Variants in DNAH11 observed in about 807,000 individuals in gnomAD.
The protein encoded by DNAH11 is axonemal beta dynein heavy chain 11.
A neutral mutation model predicts 526.0 loss-of-function variants in DNAH11; 442 were observed. That is an observed-to-expected ratio of 0.84 (90% CI 0.78 to 0.91). The LOEUF is 0.91. DNAH11 is among the 40% of genes least tolerant of loss of function. The probability of loss-of-function intolerance (pLI) is 0.00; values close to 1 mark genes in which losing one functional copy is unlikely to be tolerated. For synonymous variants in DNAH11, 2,461 were observed against 1,935.9 expected (o/e 1.27, Z -7.12); for missense variants, 6,989 against 5,448.7 (o/e 1.28, Z -8.90).
At chr7:21,737,126 C>T (rs1296895567) in intron 46 of DNAH11, among the ~76,000 whole-genome samples, 1 of 152,136 alleles carries the variant, frequency 6.6e-6, no homozygotes, top group Non-Finnish European at 1.5e-5. Context: ...TGATTTCAAA[C>T]ATTTGAGCTG....
At chr7:21,896,090 C>A (rs1784506046) in intron 79 of DNAH11, among the ~76,000 whole-genome samples, 1 of 152,210 alleles carries the variant, frequency 6.6e-6, no homozygotes, top group Non-Finnish European at 1.5e-5. Context: ...ACATCAACCT[C>A]CTTCTGGTCT....
At chr7:21,759,356 G>A (rs1367029772) in intron 54 of DNAH11, among the ~76,000 whole-genome samples, 1 of 152,166 alleles carries the variant, frequency 6.6e-6, no homozygotes, top group Non-Finnish European at 1.5e-5. Context: ...CTATCTAAAA[G>A]GGAAATAAAT....
chr7:21,722,825 T>G (rs1021737250), intron 44 of DNAH11, among the ~76,000 whole-genome samples: 1 of 150,270 alleles, frequency 6.7e-6, no homozygotes, highest in African/African-American at 2.5e-5. Flanking sequence ...GGTATTTCTT[T>G]CAATATTTAC....
chr7:21,604,256 A>G (rs1280761557), intron 18 of DNAH11, among the ~76,000 whole-genome samples: 1 of 152,136 alleles, frequency 6.6e-6, no homozygotes, highest in Non-Finnish European at 1.5e-5. Flanking sequence ...GTCCTGTTGG[A>G]GCATCTCTTC....
chr7:21,624,140 A>G (rs1358098824), intron 25 of DNAH11, among the ~76,000 whole-genome samples: 1 of 152,150 alleles, frequency 6.6e-6, no homozygotes, highest in Non-Finnish European at 1.5e-5. Flanking sequence ...AATAACAGGT[A>G]GTACAATAGC....
chr7:21,784,935 G>A (rs1788109317), intron 58 of DNAH11, among the ~76,000 whole-genome samples: 3 of 152,158 alleles, frequency 2.0e-5, no homozygotes, highest in Admixed American at 6.5e-5. Flanking sequence ...GCATTGATGA[G>A]AGACCCTCAT....
chr7:21,895,895 A>C (rs1784497871), intron 79 of DNAH11, among the ~76,000 whole-genome samples: 1 of 151,954 alleles, frequency 6.6e-6, no homozygotes, highest in Admixed American at 6.6e-5. Flanking sequence ...ACATCCGGTT[A>C]ATTTTTTGTA....
intron 28 of DNAH11, among the ~76,000 whole-genome samples, chr7:21,650,105 C>A (rs189184869): frequency 1.2e-4 from 19 of 152,076 alleles, no homozygotes; most frequent in South Asian, 2.1e-4. Flanking sequence ...TTAAAAAAAA[C>A]CCAGCATTTG....
chr7:21,787,921 A>C (rs890893851), intron 60 of DNAH11, among the ~76,000 whole-genome samples: 1 of 152,216 alleles, frequency 6.6e-6, no homozygotes, highest in South Asian at 2.1e-4. Context: ...AATTCACATC[A>C]AATGAAATGT....
chr7:21,869,851 G>A (rs1783429976), intron 73 of DNAH11, among the ~76,000 whole-genome samples: 1 of 152,186 alleles, frequency 6.6e-6, no homozygotes, highest in Non-Finnish European at 1.5e-5. Context: ...CTCCCACCCA[G>A]TGTCCTCTGG....
intron 51 of DNAH11, among the ~76,000 whole-genome samples, chr7:21,746,112 T>G (rs1786138845): frequency 6.6e-6 from 1 of 152,190 alleles, no homozygotes; most frequent in Non-Finnish European, 1.5e-5. Context: ...GGTTTTACCC[T>G]GGGGATGACA....
intron 11 of DNAH11, 29 bp from the exon 12 acceptor site, chr7:21,589,178 TA>T: frequency 6.5e-7 from 1 of 1,541,406 alleles, no homozygotes; most frequent in Non-Finnish European, 8.8e-7. Flanking sequence ...AATATACGTA[TA>T]AACCAGTAGA....
chr7:21,713,176 C>T (rs1784525057), intron 42 of DNAH11, among the ~76,000 whole-genome samples: 1 of 152,206 alleles, frequency 6.6e-6, no homozygotes, highest in Admixed American at 6.5e-5. Context: ...GTAGGAGTCA[C>T]TGAGCTCTGC....
chr7:21,559,564 AT>A, intron 3 of DNAH11, 38 bp from the exon 4 acceptor site: 12 of 1,473,612 alleles, frequency 8.1e-6, no homozygotes, highest in Non-Finnish European at 1.1e-5. Context: ...GGATAAAATG[AT>A]TCATCTTTGA....
intron 54 of DNAH11, among the ~76,000 whole-genome samples, chr7:21,761,105 C>G (rs1176472608): frequency 6.6e-6 from 1 of 152,116 alleles, no homozygotes; most frequent in Non-Finnish European, 1.5e-5. Context: ...TGTAAACTGT[C>G]TTAGAAAAGA....
At chr7:21,816,843 A>T in intron 64 of DNAH11, 141 bp downstream of exon 64, 1 of 691,136 alleles carries the variant, frequency 1.4e-6, no homozygotes, top group Non-Finnish European at 2.5e-6. Flanking sequence ...CTGCCTGTTC[A>T]TGTTTCATAT....
At chr7:21,889,971 T>C (rs925940290) in intron 76 of DNAH11, among the ~76,000 whole-genome samples, 1 of 152,222 alleles carries the variant, frequency 6.6e-6, no homozygotes, top group African/African-American at 2.4e-5. Context: ...ATGGAGGACA[T>C]TTCTCAGGTT....
chr7:21,799,336 T>C (rs1788860812), intron 61 of DNAH11, among the ~76,000 whole-genome samples: 1 of 152,090 alleles, frequency 6.6e-6, no homozygotes, highest in Admixed American at 6.5e-5. Flanking sequence ...TACTTCAATC[T>C]TATTTCTTTT....
intron 63 of DNAH11, among the ~76,000 whole-genome samples, chr7:21,815,945 A>C (rs1219470480): frequency 6.6e-6 from 1 of 152,042 alleles, no homozygotes; most frequent in Admixed American, 6.6e-5. Context: ...GTGACATCCT[A>C]AGTTCCTTTG....
Sources: gnomAD v4.1 joint callset for allele counts (sites outside exome capture counted in the v4.1 genomes callset) on GRCh38, gnomAD v4.1.1 for gene constraint, MANE v1.5 for transcripts, NCBI Gene and HGNC (gene_info 2026-07-23, HGNC 2026-07-21) for gene names.